The following WIF1 variants were observed in gnomAD, a reference collection of about 807,000 sequenced individuals.
The protein encoded by WIF1 is Wnt inhibitory factor 1.
A neutral mutation model predicts 53.5 loss-of-function variants in WIF1; 35 were observed. The ratio of observed to expected loss-of-function variants is 0.65; its 90% CI spans 0.50 to 0.87. WIF1 has a LOEUF of 0.87. Ranked by LOEUF, WIF1 falls within the 40% of genes least tolerant of loss-of-function variation. WIF1 has a pLI of 0.00. For missense variants in WIF1, 467 were observed against 476.8 expected, an observed-to-expected ratio of 0.98 and a Z score of 0.19; for synonymous variants, 171 against 170.4, an observed-to-expected ratio of 1.00 and a Z score of -0.03.
chr12:65,121,161 C>T lies in WIF1; in HGVS notation c.31G>A (p.Ala11Thr), dbSNP rs868254050. The T allele has an allele frequency of 1.9e-6, 3 of 1,546,070 alleles. No individual in the cohort carries two copies. Among genetic ancestry groups the T allele is most frequent in the East Asian group, 2.4e-5 (1 of 40,992 alleles). The change falls in exon 1 of 10, where the codon GCG becomes ACG. Residue 11 changes from alanine (A) to threonine (T), a missense_variant. Ala to Thr is a moderately conservative substitution (Grantham distance 58). Transcript: ENST00000286574. MARRSAFPAA[A>T]LWLWSILLCL... ...AGGAGGATGCTCCAGAGCCAGAGCG[C>T]GGCGGCAGGGAAGGCGCTCCTCCGG...
intron 2 of WIF1, among the ~76,000 whole-genome samples, chr12:65,115,375 T>C (rs1023516261): frequency 2.0e-5 from 3 of 152,136 alleles, no homozygotes; most frequent in Non-Finnish European, 2.9e-5. Flanking sequence ...ACCAAATTGG[T>C]TCATATGGAA....
Position 65,103,696 on chromosome 12 carries a change from G to C in WIF1, c.288+16721C>G, listed in dbSNP as rs527777130. On this transcript the variant is annotated intron_variant, in intron 2 of 9. Transcript: ENST00000286574. Reference sequence around the variant, plus strand: ...TGAGTGGACAGGTAGGCCTACCCTTGTGTAATATGGAGGTAAAATAATATA... The same window carrying C: ...TGAGTGGACAGGTAGGCCTACCCTTCTGTAATATGGAGGTAAAATAATATA... 3.9e-5 allele frequency among the ~76,000 whole-genome samples: 6 copies of C among 152,266 alleles called. No individual in the cohort carries two copies. The South Asian group carries it at 1.2e-3, about 32-fold the overall frequency.
At chr12:65,055,966 G>C in intron 8 of WIF1, 65 bp downstream of exon 8, 1 of 1,442,926 alleles carries the variant, frequency 6.9e-7, no homozygotes, top group Non-Finnish European at 9.6e-7. Flanking sequence ...GAAGTATGTA[G>C]TGAGAGACTC....
chr12:65,051,284 A>C lies in WIF1; in HGVS notation c.*65T>G. 1 of 1,542,498 alleles carries C rather than the reference A, an allele frequency of 6.5e-7. No homozygotes were observed. The highest frequency in any genetic ancestry group is 8.7e-7 in the Non-Finnish European group (1 of 1,143,792). ...TGTAATGAACATTATTTGAACATTC[A>C]ACACATGAAAGGTTAACAAAGGCTA... On this transcript the variant is annotated 3_prime_UTR_variant, in exon 10 of 10. Transcript: ENST00000286574.
At chr12:65,075,472 A>G (rs978557200) in intron 3 of WIF1, among the ~76,000 whole-genome samples, 1 of 152,216 alleles carries the variant, frequency 6.6e-6, no homozygotes, top group African/African-American at 2.4e-5. Context: ...AAAACACTAT[A>G]AAGCTACCAC....
At chr12:65,120,613 A>C in intron 1 of WIF1, 57 bp from the exon 2 acceptor site, 2 of 1,559,158 alleles carry the variant, frequency 1.3e-6, no homozygotes, top group South Asian at 2.5e-5. Context: ...CATCTAAATC[A>C]GAAGTTTCAA....
At chr12:65,115,436 T>C (rs1480533084) in intron 2 of WIF1, among the ~76,000 whole-genome samples, 2 of 152,220 alleles carry the variant, frequency 1.3e-5, no homozygotes, top group African/African-American at 4.8e-5. Context: ...ACAAAACTTC[T>C]CATTAAATTT....
At chr12:65,099,500 C>A (rs1286046501) in intron 2 of WIF1, among the ~76,000 whole-genome samples, 1 of 152,192 alleles carries the variant, frequency 6.6e-6, no homozygotes, top group East Asian at 1.9e-4. Context: ...CTCCCCTTCT[C>A]CCCAACCCGC....
At chr12:65,096,906 A>G (rs1181882850) in intron 2 of WIF1, among the ~76,000 whole-genome samples, 1 of 151,888 alleles carries the variant, frequency 6.6e-6, no homozygotes, top group Non-Finnish European at 1.5e-5. Context: ...GGAGACACCT[A>G]ATGCATGTGG....
intron 5 of WIF1, among the ~76,000 whole-genome samples, chr12:65,067,196 C>A (rs1359683789): frequency 2.0e-5 from 3 of 152,062 alleles, no homozygotes; most frequent in African/African-American, 7.2e-5. Context: ...ATTTTGCTTA[C>A]TGTAGTCAGA....
chr12:65,110,027 A>G (rs1444680595), intron 2 of WIF1, among the ~76,000 whole-genome samples: 3 of 152,206 alleles, frequency 2.0e-5, no homozygotes, highest in Non-Finnish European at 2.9e-5. Context: ...CAGATCTTGC[A>G]TTTGTATAAA....
intron 7 of WIF1, among the ~76,000 whole-genome samples, chr12:65,059,464 G>T (rs1188289326): frequency 6.6e-6 from 1 of 151,998 alleles, no homozygotes; most frequent in African/African-American, 2.4e-5. Context: ...ATTAGAAAAG[G>T]ATTATAAATA....
chr12:65,110,786 A>G (rs1202602629), intron 2 of WIF1, among the ~76,000 whole-genome samples: 1 of 152,232 alleles, frequency 6.6e-6, no homozygotes, highest in Admixed American at 6.5e-5. Context: ...ATGAGCTTAC[A>G]TTGAATGGAA....
Position 65,121,281 on chromosome 12 carries a change from C to G in WIF1, c.-90G>C, listed in dbSNP as rs1376432966. The G allele has an allele frequency of 1.5e-6, 2 of 1,329,552 alleles. No homozygotes were observed. The highest frequency in any genetic ancestry group is 1.9e-6 in the Non-Finnish European group (2 of 1,034,772). 82.4% of individuals were successfully genotyped at this position (1,329,552 alleles called of 1,614,324 possible). A position where few individuals can be genotyped will look rare whatever the true frequency, so the allele number is the denominator to read the frequency against. ...TCAGATACTCTGCTGCGCTGCAGCT[C>G]CCTCAGCCAGGGCTGTTCCCGTTTA... On this transcript the variant is annotated 5_prime_UTR_variant, in exon 1 of 10. Transcript: ENST00000286574.
intron 2 of WIF1, among the ~76,000 whole-genome samples, chr12:65,092,717 AGT>A (rs1336278132): frequency 6.6e-6 from 1 of 152,046 alleles, no homozygotes; most frequent in Non-Finnish European, 1.5e-5. Context: ...CGAAGAGGCC[AGT>A]GTGGCTGTAT....
chr12:65,055,266 G>A, intron 8 of WIF1, 53 bp from the exon 9 acceptor site: 1 of 1,567,852 alleles, frequency 6.4e-7, no homozygotes, highest in Non-Finnish European at 8.7e-7. Flanking sequence ...TTTTTCAACA[G>A]AATTACATAG....
intron 2 of WIF1, among the ~76,000 whole-genome samples, chr12:65,093,475 T>G (rs1459607797): frequency 6.6e-6 from 1 of 152,198 alleles, no homozygotes; most frequent in Non-Finnish European, 1.5e-5. Context: ...TACCTTAGCT[T>G]TTTAATTTCT....
intron 2 of WIF1, among the ~76,000 whole-genome samples, chr12:65,111,166 A>G (rs573952287): frequency 6.6e-6 from 1 of 152,330 alleles, no homozygotes; most frequent in East Asian, 1.9e-4. Flanking sequence ...CAAGATTTCC[A>G]GATTTTTATC....
At chr12:65,119,399 A>G (rs1321451823) in intron 2 of WIF1, among the ~76,000 whole-genome samples, 1 of 152,196 alleles carries the variant, frequency 6.6e-6, no homozygotes, top group Non-Finnish European at 1.5e-5. Context: ...AGAAGAAGAA[A>G]AAGAGAACAG....
Sources: allele counts gnomAD v4.1 joint callset (sites outside exome capture counted in the v4.1 genomes callset), GRCh38; gene constraint gnomAD v4.1.1; transcripts MANE v1.5; gene names NCBI Gene and HGNC (gene_info 2026-07-23, HGNC 2026-07-21).